The following PLCB4 variants were observed in gnomAD, a reference collection of about 807,000 sequenced individuals.
PLCB4 encodes the protein 1-phosphatidylinositol 4,5-bisphosphate phosphodiesterase beta-4.
Under a neutral mutation model 178.8 loss-of-function variants are expected in PLCB4, and 77 were observed. The ratio of observed to expected loss-of-function variants is 0.43; its 90% CI spans 0.36 to 0.52. The LOEUF (loss-of-function observed/expected upper bound fraction) is 0.52. PLCB4 is among the 20% of genes least tolerant of loss of function. The probability of loss-of-function intolerance (pLI) is 0.00; values close to 1 mark genes in which losing one functional copy is unlikely to be tolerated. For synonymous variants in PLCB4, 496 were observed against 490.8 expected (o/e 1.01, Z -0.14); for missense variants, 1,024 against 1,453.4 (o/e 0.70, Z 4.80).
intron 39 of PLCB4, among the ~76,000 whole-genome samples, chr20:9,478,566 A>C (rs866547921): frequency 3.2e-4 from 49 of 152,306 alleles, no homozygotes; most frequent in African/African-American, 2.9e-4. Context: ...TGTAGAAACT[A>C]AATCAAACAG....
chr20:9,469,259 G>A (rs766067168), intron 36 of PLCB4, among the ~76,000 whole-genome samples: 3 of 152,172 alleles, frequency 2.0e-5, no homozygotes, highest in Non-Finnish European at 2.9e-5. Context: ...GGGATTATAG[G>A]CGTGAGCCAC....
intron 35 of PLCB4, among the ~76,000 whole-genome samples, chr20:9,463,428 A>C (rs1446950688): frequency 6.6e-6 from 1 of 152,046 alleles, no homozygotes; most frequent in East Asian, 1.9e-4. Flanking sequence ...ATTAACCTTA[A>C]ATGTAAATAG....
chr20:9,362,594 A>T (rs1465527448), intron 7 of PLCB4, among the ~76,000 whole-genome samples: 1 of 152,254 alleles, frequency 6.6e-6, no homozygotes, highest in Non-Finnish European at 1.5e-5. Context: ...AAAAGGGCTT[A>T]TATTTAAACA....
At chr20:9,209,559 CA>C (rs1296786937) in intron 2 of PLCB4, among the ~76,000 whole-genome samples, 2 of 152,148 alleles carry the variant, frequency 1.3e-5, no homozygotes, top group Non-Finnish European at 1.5e-5. Flanking sequence ...AAGATTCCAT[CA>C]GGGGAGATTC....
At chr20:9,357,549 A>G (rs2034945151) in intron 7 of PLCB4, among the ~76,000 whole-genome samples, 1 of 152,184 alleles carries the variant, frequency 6.6e-6, no homozygotes, top group African/African-American at 2.4e-5. Flanking sequence ...TAATAAACTG[A>G]AATCCTACCC....
At chr20:9,107,084 T>A (rs1316458358) in intron 2 of PLCB4, among the ~76,000 whole-genome samples, 1 of 152,116 alleles carries the variant, frequency 6.6e-6, no homozygotes, top group Non-Finnish European at 1.5e-5. Context: ...TGTTACCCAG[T>A]CATGGCCAAT....
chr20:9,111,270 G>A (rs887555154), intron 2 of PLCB4, among the ~76,000 whole-genome samples: 79 of 152,268 alleles, frequency 5.2e-4, no homozygotes, highest in African/African-American at 1.9e-3. Context: ...GTAATGTGGT[G>A]TTCTTCAGAT....
At chr20:9,224,545 G>A (rs2093840207) in intron 3 of PLCB4, among the ~76,000 whole-genome samples, 1 of 152,166 alleles carries the variant, frequency 6.6e-6, no homozygotes, top group Non-Finnish European at 1.5e-5. Flanking sequence ...ACAAAAAGGA[G>A]GAAGAATTTT....
intron 3 of PLCB4, among the ~76,000 whole-genome samples, chr20:9,297,637 G>A (rs1374736601): frequency 6.6e-6 from 1 of 152,126 alleles, no homozygotes; most frequent in Admixed American, 6.6e-5. Flanking sequence ...ATCACGTGTA[G>A]ATAGGCCCCA....
chr20:9,192,459 C>T lies in PLCB4; in HGVS notation c.-78-24931C>T, dbSNP rs559865500. 2.8e-4 allele frequency among the ~76,000 whole-genome samples: 42 copies of T among 151,870 alleles called. 1 individual carries two copies. In the South Asian group the frequency reaches 3.5e-3, roughly 13 times the overall value. On this transcript the variant is annotated intron_variant, in intron 2 of 39. Transcript: ENST00000378473. Reference sequence around the variant, plus strand: ...CTGTGGAATTGCACAGGGTTCTAGACTCAGAAAGGTCCTGCCTGTGTTTTG... The same window carrying T: ...CTGTGGAATTGCACAGGGTTCTAGATTCAGAAAGGTCCTGCCTGTGTTTTG...
At chr20:9,322,602 T>C (rs932158707) in intron 4 of PLCB4, among the ~76,000 whole-genome samples, 9 of 152,220 alleles carry the variant, frequency 5.9e-5, no homozygotes, top group Non-Finnish European at 1.2e-4. Context: ...CCACGGCTCT[T>C]CTGCTGTCAA....
intron 4 of PLCB4, among the ~76,000 whole-genome samples, chr20:9,311,965 T>G (rs977050042): frequency 9.2e-5 from 14 of 152,148 alleles, no homozygotes; most frequent in African/African-American, 3.4e-4. Flanking sequence ...CTTACATAAT[T>G]TAAATTCAAA....
chr20:9,236,630 A>G (rs1165847695), intron 3 of PLCB4, among the ~76,000 whole-genome samples: 1 of 152,158 alleles, frequency 6.6e-6, no homozygotes, highest in Non-Finnish European at 1.5e-5. Context: ...TCCTTCTGCA[A>G]CAGATCAGTG....
At chr20:9,153,828 A>T (rs187622097) in intron 2 of PLCB4, among the ~76,000 whole-genome samples, 1 of 152,184 alleles carries the variant, frequency 6.6e-6, no homozygotes, top group Non-Finnish European at 1.5e-5. Flanking sequence ...AATGATTATT[A>T]TAATCAACCA....
intron 26 of PLCB4, 48 bp from the exon 27 acceptor site, chr20:9,421,249 T>C (rs2040611460): frequency 6.8e-7 from 1 of 1,477,022 alleles, no homozygotes; most frequent in Non-Finnish European, 9.3e-7. Flanking sequence ...TTGCTACTGA[T>C]GCTTACACAG....
In PLCB4 at chr20:9,334,778, A is replaced by C. The variant is rs138958614; in HGVS notation, c.85-2348A>C. 1.2e-3 allele frequency among the ~76,000 whole-genome samples: 187 copies of C among 152,178 alleles called. 1 individual carries two copies. The highest frequency in any genetic ancestry group is 4.3e-3 in the African/African-American group (178 of 41,520). ...AAAAGGGATATTTGACTTTGCAAAG[A>C]AGTCAAATATAGGAGGGGAGAACTG... On this transcript the variant is annotated intron_variant, in intron 4 of 39. Transcript: ENST00000378473.
chr20:9,205,359 G>C (rs1356645465), intron 2 of PLCB4, among the ~76,000 whole-genome samples: 1 of 152,172 alleles, frequency 6.6e-6, no homozygotes, highest in Non-Finnish European at 1.5e-5. Flanking sequence ...ATGTATTTTT[G>C]ACTTACCGTA....
intron 35 of PLCB4, among the ~76,000 whole-genome samples, chr20:9,464,486 C>T (rs956100663): frequency 6.6e-6 from 1 of 152,000 alleles, no homozygotes; most frequent in African/African-American, 2.4e-5. Flanking sequence ...ATCAATGAAT[C>T]CGGGAGCTGG....
At chr20:9,184,474 G>A (rs1334398969) in intron 2 of PLCB4, among the ~76,000 whole-genome samples, 13 of 151,858 alleles carry the variant, frequency 8.6e-5, no homozygotes, top group Admixed American at 8.5e-4. Context: ...AGCCATCCAT[G>A]GTTTCTTCAG....
Sources: gnomAD v4.1 joint callset for allele counts (sites outside exome capture counted in the v4.1 genomes callset) on GRCh38, gnomAD v4.1.1 for gene constraint, MANE v1.5 for transcripts, NCBI Gene and HGNC (gene_info 2026-07-23, HGNC 2026-07-21) for gene names.